CHD6: variants seen among roughly 807,000 people sequenced by gnomAD.
CHD6 encodes the protein chromodomain helicase DNA binding protein 6.
A neutral mutation model predicts 276.9 loss-of-function variants in CHD6; 50 were observed. That is an observed-to-expected ratio of 0.18 (90% CI 0.14 to 0.23). The LOEUF (loss-of-function observed/expected upper bound fraction) is 0.23, where lower values mean the gene tolerates loss of function less well. Ranked by LOEUF, CHD6 falls within the 10% of genes least tolerant of loss-of-function variation. The pLI, the probability that CHD6 is intolerant of heterozygous loss-of-function variation, is 1.00. For missense variants in CHD6, 2,564 were observed against 3,365.8 expected (o/e 0.76, Z 5.89); for synonymous variants, 1,173 against 1,229.3 (o/e 0.95, Z 0.96).
chr20:41,510,748 A>G (rs1336759209), intron 5 of CHD6, among the ~76,000 whole-genome samples: 1 of 152,226 alleles, frequency 6.6e-6, no homozygotes, highest in East Asian at 1.9e-4. Context: ...CCAAATGGCT[A>G]CTAGGAGAAA....
At chr20:41,455,299 G>A (rs2048348545) in intron 19 of CHD6, among the ~76,000 whole-genome samples, 1 of 152,208 alleles carries the variant, frequency 6.6e-6, no homozygotes, top group Admixed American at 6.5e-5. Flanking sequence ...ACCTGAGAGT[G>A]ATCTGCTAAG....
chr20:41,612,116 T>C (rs1016881128), intron 1 of CHD6, among the ~76,000 whole-genome samples: 1 of 152,232 alleles, frequency 6.6e-6, no homozygotes, highest in African/African-American at 2.4e-5. Context: ...ATAAACTGTT[T>C]TTATAATTAG....
In CHD6 at chr20:41,404,604, C is replaced by A; in HGVS notation, c.8137G>T (p.Asp2713Tyr). The change falls in exon 37 of 37, where the codon GAC (aspartate) becomes TAC (tyrosine). Residue 2713 changes from aspartate to tyrosine, a missense_variant. Around this residue, in one of 7 missense-constraint regions of CHD6, gnomAD observed 238 missense variants for 266.0 expected, o/e 0.89. Transcript: ENST00000373233. Reference sequence around the variant, plus strand: ...AAATGAAAAAAGTTCTAATTGGTGTCGTTGTTGGAGTCTTTGAGTGCCCCC... The same window carrying A: ...AAATGAAAAAAGTTCTAATTGGTGTAGTTGTTGGAGTCTTTGAGTGCCCCC... Reference protein sequence around the residue: ...GEGALKDSNNDTN With the variant: ...GEGALKDSNNYTN 1 of 1,479,736 alleles carries A rather than the reference C, an allele frequency of 6.8e-7. No individual in the cohort carries two copies. Among genetic ancestry groups the A allele is most frequent in the East Asian group, 2.3e-5 (1 of 43,576 alleles). 91.7% of individuals were successfully genotyped at this position (1,479,736 alleles called of 1,614,324 possible).
At position 41,404,867 on chromosome 20, in the gene CHD6, G is replaced by T. The variant is rs1263697799; in HGVS notation, c.7874C>A (p.Ser2625Tyr). 1 of 1,614,010 alleles carries T rather than the reference G, an allele frequency of 6.2e-7. No individual in the cohort carries two copies. Among genetic ancestry groups the T allele is most frequent in the East Asian group, 2.2e-5 (1 of 44,896 alleles). Residue 2625 changes from serine to tyrosine, a missense_variant, in exon 37 of 37, where the codon TCC becomes TAC. By Grantham distance (144) the Ser-to-Tyr change is moderately radical. This residue lies in a region of CHD6 where 238 missense variants were observed against 266.0 expected (regional missense o/e 0.89). Transcript: ENST00000373233. ...PGVSPGLIYP[S>Y]MFLSPGMGMA... is the part of the protein sequence containing the mutation. ...GCCCATACCAGGGGAGAGGAACATG[G>T]ATGGGTAAATGAGTCCAGGAGATAC...
chr20:41,521,982 G>T (rs2044410802), intron 3 of CHD6, among the ~76,000 whole-genome samples: 1 of 152,176 alleles, frequency 6.6e-6, no homozygotes, highest in African/African-American at 2.4e-5. Context: ...ATGAATAAGG[G>T]ATAAGGGGGA....
intron 32 of CHD6, 54 bp downstream of exon 32, chr20:41,417,144 T>C (rs1383612222): frequency 2.0e-6 from 3 of 1,530,642 alleles, no homozygotes; most frequent in Admixed American, 2.1e-5. Flanking sequence ...AAAAAAGCAA[T>C]TCAAAGCTGG....
intron 23 of CHD6, 84 bp downstream of exon 23, chr20:41,450,862 G>C (rs1465571590): frequency 8.1e-7 from 1 of 1,235,914 alleles, no homozygotes; most frequent in Non-Finnish European, 1.2e-6. Context: ...ACAAGAGCAT[G>C]AAGTGCTCTC....
At chr20:41,613,003 G>T (rs529924628) in intron 1 of CHD6, among the ~76,000 whole-genome samples, 1 of 152,150 alleles carries the variant, frequency 6.6e-6, no homozygotes, top group South Asian at 2.1e-4. Context: ...TTGGCAATTT[G>T]CTTGACTTAT....
intron 17 of CHD6, among the ~76,000 whole-genome samples, chr20:41,460,767 T>C (rs1385529604): frequency 6.6e-6 from 1 of 152,166 alleles, no homozygotes; most frequent in African/African-American, 2.4e-5. Context: ...GGAAGGGAAA[T>C]GTGGGGTCGG....
intron 14 of CHD6, among the ~76,000 whole-genome samples, chr20:41,486,865 G>A (rs2043427037): frequency 6.6e-6 from 1 of 151,386 alleles, no homozygotes; most frequent in Non-Finnish European, 1.5e-5. Flanking sequence ...TTTCTATGCA[G>A]AGTGGTTACC....
rs190433353 is a variant in CHD6 at position 41,546,077 on chromosome 20, T to A, written c.33+5228A>T. Among the ~76,000 whole-genome samples the A allele has an allele frequency of 2.6e-3, 397 of 152,322 alleles. 4 individuals carry two copies. The highest frequency in any genetic ancestry group is 5.4e-3 in the South Asian group (26 of 4,826). On this transcript the variant is annotated intron_variant, in intron 2 of 36. Coordinates refer to ENST00000373233, the MANE Select transcript of CHD6 (RefSeq NM_032221.5). ...CTAGAAATTTCTTGAGAAATTGCTT[T>A]AGTTACTACTGAACCTGACCCCAAG...
chr20:41,407,325 G>C (rs6029662), intron 36 of CHD6, among the ~76,000 whole-genome samples: 49,743 of 152,048 alleles, frequency 0.33, 9,548 homozygotes, highest in East Asian at 0.52. Flanking sequence ...TCTGGCTGTT[G>C]CTCTCACTGG....
Position 41,519,397 on chromosome 20 carries a change from A to G in CHD6, c.555-4445T>C, listed in dbSNP as rs146555307. On this transcript the variant is annotated intron_variant, in intron 3 of 36. Coordinates refer to ENST00000373233, the MANE Select transcript of CHD6 (RefSeq NM_032221.5). ...ACTTACAGGAATGTAATCTAAAGAT[A>G]TATCACACGATATAAAAACACATAT... Among the ~76,000 whole-genome samples, 116 of 152,382 alleles carry G rather than the reference A, an allele frequency of 7.6e-4. 1 individual carries two copies. Among genetic ancestry groups the G allele is most frequent in the Non-Finnish European group, 1.2e-3 (80 of 68,030 alleles).
chr20:41,491,623 C>T (rs529283848), intron 11 of CHD6, 75 bp downstream of exon 11: 89 of 1,570,418 alleles, frequency 5.7e-5, no homozygotes, highest in African/African-American at 1.5e-4. Flanking sequence ...TCTGCTACTG[C>T]GACTCTAGGT....
intron 1 of CHD6, among the ~76,000 whole-genome samples, chr20:41,577,149 A>C (rs2045482991): frequency 6.6e-6 from 1 of 152,224 alleles, no homozygotes; most frequent in Admixed American, 6.5e-5. Flanking sequence ...CAGCAGAAAT[A>C]AACTTAGAAC....
At chr20:41,534,379 G>A (rs1472939864) in intron 2 of CHD6, among the ~76,000 whole-genome samples, 2 of 152,200 alleles carry the variant, frequency 1.3e-5, no homozygotes, top group African/African-American at 2.4e-5. Context: ...CAGTTGCCCA[G>A]GTGGCATGGT....
chr20:41,453,426 T>C (rs2048300327), intron 20 of CHD6, among the ~76,000 whole-genome samples: 1 of 152,228 alleles, frequency 6.6e-6, no homozygotes, highest in Non-Finnish European at 1.5e-5. Flanking sequence ...TTCTATCCAC[T>C]AACCTTTTGC....
intron 26 of CHD6, among the ~76,000 whole-genome samples, chr20:41,438,629 T>C (rs1466933333): frequency 6.6e-6 from 1 of 152,108 alleles, no homozygotes; most frequent in Non-Finnish European, 1.5e-5. Context: ...CTTTGAAATA[T>C]TTGCGTCCCA....
In CHD6 at chr20:41,613,039, C is replaced by T. The variant is rs182666442; in HGVS notation, c.-24+5301G>A. Among the ~76,000 whole-genome samples, 6 of 152,168 alleles carry T rather than the reference C, an allele frequency of 3.9e-5. No individual in the cohort carries two copies. In the East Asian group the frequency reaches 1.2e-3, roughly 29 times the overall value. On this transcript the variant is annotated intron_variant, in intron 1 of 36. Coordinates refer to ENST00000373233, the MANE Select transcript of CHD6 (RefSeq NM_032221.5). ...TAAGTAAATAATAAGGCTCTGAGAA[C>T]TTTAATATAAAATCCTTTTTATATA...
Sources: allele counts gnomAD v4.1 joint callset (sites outside exome capture counted in the v4.1 genomes callset), GRCh38; gene constraint gnomAD v4.1.1; regional missense constraint gnomAD v4.1.1; transcripts MANE v1.5; gene names NCBI Gene and HGNC (gene_info 2026-07-23, HGNC 2026-07-21).